The following GSR variants were observed in gnomAD, a reference collection of about 807,000 sequenced individuals.
GSR encodes glutathione reductase, mitochondrial.
In GSR, 48 loss-of-function variants were observed where a neutral mutation model predicts 56.5. The observed-to-expected ratio is 0.85, with a 90% CI of 0.67 to 1.08. The LOEUF is 1.08. Ranked by LOEUF, GSR falls within the 50% of genes least tolerant of loss-of-function variation. The pLI is 0.00. For synonymous variants in GSR, 264 were observed against 270.8 expected (o/e 0.97, Z 0.25); for missense variants, 694 against 703.3 (o/e 0.99, Z 0.15).
intron 1 of GSR, 96 bp downstream of exon 1, chr8:30,727,434 C>A (rs1804769588): frequency 8.4e-7 from 1 of 1,196,122 alleles, no homozygotes; most frequent in Non-Finnish European, 1.2e-6. Context: ...AGCCCAGCGC[C>A]GGGGGACAGG....
intron 1 of GSR, among the ~76,000 whole-genome samples, chr8:30,716,301 G>A (rs1804331915): frequency 6.6e-6 from 1 of 152,204 alleles, no homozygotes. Flanking sequence ...GTGGAAAATT[G>A]TGGCCTTGTT....
chr8:30,709,779 C>T (rs529824967), intron 3 of GSR, 35 bp downstream of exon 3: 16 of 1,171,068 alleles, frequency 1.4e-5, no homozygotes, highest in Non-Finnish European at 2.1e-5. Flanking sequence ...AATATCTACA[C>T]TTGGAAACTG....
In GSR at chr8:30,708,725, G is replaced by A. The variant is rs56215268; in HGVS notation, c.423-584C>T. 1.7e-3 allele frequency among the ~76,000 whole-genome samples: 264 copies of A among 152,188 alleles called. 1 individual carries two copies. Among genetic ancestry groups the A allele is most frequent in the Non-Finnish European group, 3.0e-3 (203 of 68,006 alleles). On this transcript the variant is annotated intron_variant, in intron 3 of 12. Transcript: ENST00000221130. Reference sequence around the variant, plus strand: ...TAATCCCAGCACTTTGGGAGGCTGAGGTGGGCGGATCACGAGGTCAGAAGA... The same window carrying A: ...TAATCCCAGCACTTTGGGAGGCTGAAGTGGGCGGATCACGAGGTCAGAAGA...
intron 1 of GSR, among the ~76,000 whole-genome samples, chr8:30,724,796 A>G (rs1369980459): frequency 1.3e-5 from 2 of 152,148 alleles, no homozygotes; most frequent in East Asian, 3.9e-4. Context: ...TTGGCCTCCC[A>G]AAGTGCTGGC....
At chr8:30,692,196 CTTTTTTTTTTT>C (rs71206279) in intron 8 of GSR, among the ~76,000 whole-genome samples, 2 of 76,414 alleles carry the variant, frequency 2.6e-5, no homozygotes, top group African/African-American at 9.9e-5. Flanking sequence ...TAAAATACAG[CTTTTTTTTTTT>C]TTTTTTTTTT....
rs1183742665 is a variant in GSR at position 30,708,826 on chromosome 8, G to A, written c.423-685C>T. Among the ~76,000 whole-genome samples the A allele has an allele frequency of 2.0e-5, 3 of 152,064 alleles. No individual in the cohort carries two copies. In the East Asian group the frequency reaches 5.8e-4, roughly 30 times the overall value. ...TACAAAAAATTACCCAGGCATGCTG[G>A]TGGGTGCCTGTAGTCCCAGCTACTC... On this transcript the variant is annotated intron_variant, in intron 3 of 12. Transcript: ENST00000221130.
chr8:30,681,691 G>A (rs1231163653), intron 11 of GSR, among the ~76,000 whole-genome samples: 6 of 151,722 alleles, frequency 4.0e-5, no homozygotes, highest in Non-Finnish European at 8.8e-5. Context: ...TTTAAAATTA[G>A]TTCAAATAAA....
intron 1 of GSR, among the ~76,000 whole-genome samples, chr8:30,722,654 C>T (rs1464210653): frequency 1.3e-5 from 2 of 149,296 alleles, no homozygotes; most frequent in African/African-American, 5.1e-5. Flanking sequence ...GTCACTTGAG[C>T]TTGGGAGTTC....
At chr8:30,727,467 G>GCTGT in intron 1 of GSR, 63 bp downstream of exon 1, 1 of 1,418,292 alleles carries the variant, frequency 7.1e-7, no homozygotes, top group Non-Finnish European at 9.6e-7. Context: ...ACGAGCACAG[G>GCTGT]CTGTCCCCCG....
At chr8:30,710,174 G>C (rs960009214) in intron 2 of GSR, among the ~76,000 whole-genome samples, 3 of 151,748 alleles carry the variant, frequency 2.0e-5, no homozygotes, top group African/African-American at 7.3e-5. Context: ...AAATTAGCTG[G>C]GTATGGTGGC....
chr8:30,689,388 A>G, intron 8 of GSR, 69 bp from the exon 9 acceptor site: 7 of 1,258,402 alleles, frequency 5.6e-6, no homozygotes, highest in Non-Finnish European at 8.2e-6. Context: ...AGGAAAGCAA[A>G]TACAGAGGAA....
intron 1 of GSR, among the ~76,000 whole-genome samples, chr8:30,712,362 A>C (rs1804181008): frequency 6.6e-6 from 1 of 152,188 alleles, no homozygotes; most frequent in Admixed American, 6.6e-5. Flanking sequence ...ACTTCTCGGG[A>C]AAGTACTGCA....
At chr8:30,690,479 T>C (rs1293402261) in intron 8 of GSR, among the ~76,000 whole-genome samples, 3 of 152,120 alleles carry the variant, frequency 2.0e-5, no homozygotes, top group African/African-American at 7.2e-5. Flanking sequence ...ATATTCTTAA[T>C]TGGAATGAAG....
chr8:30,703,703 C>T (rs1803824624), intron 4 of GSR, among the ~76,000 whole-genome samples: 1 of 150,140 alleles, frequency 6.7e-6, no homozygotes, highest in African/African-American at 2.5e-5. Context: ...GCTGAGATGG[C>T]ACCACTGCAC....
intron 1 of GSR, among the ~76,000 whole-genome samples, chr8:30,717,613 G>A (rs1296089398): frequency 6.6e-6 from 1 of 152,096 alleles, no homozygotes; most frequent in African/African-American, 2.4e-5. Context: ...GTGCATGCAA[G>A]GGATGTAGGT....
chr8:30,687,281 A>T (rs1803194874), intron 9 of GSR, among the ~76,000 whole-genome samples: 1 of 152,222 alleles, frequency 6.6e-6, no homozygotes, highest in Non-Finnish European at 1.5e-5. Context: ...AAAGGAATCC[A>T]CATTACAACA....
chr8:30,709,649 C>T (rs373968263), intron 3 of GSR, among the ~76,000 whole-genome samples, 165 bp downstream of exon 3: 30 of 152,046 alleles, frequency 2.0e-4, no homozygotes, highest in South Asian at 8.3e-4. Context: ...AATGTGAATG[C>T]GCTTAATGGC....
At chr8:30,683,423 G>A (rs1181917826) in intron 10 of GSR, among the ~76,000 whole-genome samples, 3 of 152,108 alleles carry the variant, frequency 2.0e-5, no homozygotes, top group Non-Finnish European at 2.9e-5. Context: ...GCTTGCAATG[G>A]TGCTTAGGAA....
At chr8:30,714,202 CTTTTTTTTTTT>C (rs33969608) in intron 1 of GSR, among the ~76,000 whole-genome samples, 1 of 63,960 alleles carries the variant, frequency 1.6e-5, no homozygotes, top group Admixed American at 2.8e-4. Context: ...GTTCTATATG[CTTTTTTTTTTT>C]TTTTTTTTTT....
Sources: gnomAD v4.1 joint callset for allele counts (sites outside exome capture counted in the v4.1 genomes callset) on GRCh38, gnomAD v4.1.1 for gene constraint, MANE v1.5 for transcripts, NCBI Gene and HGNC (gene_info 2026-07-23, HGNC 2026-07-21) for gene names.